KIF4A: variants seen among roughly 807,000 people sequenced by gnomAD.
KIF4A encodes the protein chromosome-associated kinesin KIF4A.
Under a neutral mutation model 105.9 loss-of-function variants are expected in KIF4A, and 7 were observed. That is an observed-to-expected ratio of 0.07 (90% CI 0.04 to 0.12). KIF4A has a LOEUF of 0.12. Ranked by LOEUF, KIF4A falls within the 10% of genes least tolerant of loss-of-function variation. KIF4A has a pLI of 1.00. For synonymous variants in KIF4A, 281 were observed against 331.3 expected (o/e 0.85, Z 1.65); for missense variants, 558 against 929.2 (o/e 0.60, Z 5.19).
At chrX:70,348,342 GT>G (rs2086002678) in intron 13 of KIF4A, among the ~76,000 whole-genome samples, 1 of 111,419 alleles carries the variant, frequency 9.0e-6, no homozygotes, top group South Asian at 3.8e-4. Context: ...CTACAAAAAA[GT>G]TTTTTGTTTT....
At chrX:70,417,064 A>C (rs1196921310) in intron 28 of KIF4A, among the ~76,000 whole-genome samples, 1 of 112,956 alleles carries the variant, frequency 8.9e-6, no homozygotes, top group Non-Finnish European at 1.9e-5. Flanking sequence ...AACTACACTT[A>C]GTTTTTAAAT....
intron 15 of KIF4A, among the ~76,000 whole-genome samples, chrX:70,366,000 A>C (rs2086101344): frequency 9.0e-6 from 1 of 110,995 alleles, no homozygotes; most frequent in African/African-American, 3.3e-5. Flanking sequence ...GAGTTTATCC[A>C]TTTCTTCTAG....
chrX:70,320,729 C>CAT (rs2147685706), intron 7 of KIF4A, among the ~76,000 whole-genome samples: 1 of 111,556 alleles, frequency 9.0e-6, no homozygotes, highest in South Asian at 3.8e-4. Flanking sequence ...TGGGTATAAA[C>CAT]ATACAGTTAG....
At chrX:70,335,278 T>G (rs758736062) in intron 10 of KIF4A, among the ~76,000 whole-genome samples, 2 of 112,453 alleles carry the variant, frequency 1.8e-5, no homozygotes, top group Non-Finnish European at 3.8e-5. Context: ...CTAAGTGAAC[T>G]AAGCCAGTCA....
At chrX:70,391,835 T>C (rs2086238540) in intron 20 of KIF4A, among the ~76,000 whole-genome samples, 1 of 111,476 alleles carries the variant, frequency 9.0e-6, no homozygotes, top group African/African-American at 3.3e-5. Flanking sequence ...GTGTACTCAA[T>C]GTTTAGCTCC....
chrX:70,367,480 C>T (rs1252057895), intron 15 of KIF4A, among the ~76,000 whole-genome samples: 1 of 111,308 alleles, frequency 9.0e-6, no homozygotes, highest in Non-Finnish European at 1.9e-5. Context: ...TGCTTGTCTG[C>T]GAAGGATTTT....
intron 15 of KIF4A, among the ~76,000 whole-genome samples, chrX:70,370,621 C>T (rs1487672561): frequency 1.8e-5 from 2 of 108,774 alleles, no homozygotes; most frequent in Non-Finnish European, 3.8e-5. Context: ...ACATACACAC[C>T]CATGTTATTA....
At chrX:70,376,707 G>A (rs2086176468) in intron 18 of KIF4A, among the ~76,000 whole-genome samples, 2 of 111,936 alleles carry the variant, frequency 1.8e-5, no homozygotes, top group Non-Finnish European at 3.8e-5. Context: ...GGTCCAACTG[G>A]GGTGAAGTAT....
At chrX:70,369,624 A>G (rs1449251916) in intron 15 of KIF4A, among the ~76,000 whole-genome samples, 1 of 111,994 alleles carries the variant, frequency 8.9e-6, no homozygotes, top group African/African-American at 3.2e-5. Flanking sequence ...TGTGCACAGA[A>G]ATCATGTAGC....
chrX:70,343,111 A>G, intron 11 of KIF4A, among the ~76,000 whole-genome samples: 1 of 111,032 alleles, frequency 9.0e-6, no homozygotes, highest in African/African-American at 3.3e-5. Flanking sequence ...TTTCTCTACC[A>G]TCATTCTTGT....
intron 7 of KIF4A, among the ~76,000 whole-genome samples, chrX:70,325,129 G>T (rs1215643693): frequency 2.7e-5 from 3 of 111,878 alleles, no homozygotes; most frequent in African/African-American, 9.8e-5. Flanking sequence ...AAGCATAGGA[G>T]CTTTTTAAAA....
chrX:70,324,455 G>A (rs948929569), intron 7 of KIF4A, among the ~76,000 whole-genome samples: 4 of 111,513 alleles, frequency 3.6e-5, no homozygotes, highest in Non-Finnish European at 7.5e-5. Context: ...ATTAGTATGC[G>A]ACTTTATACA....
chrX:70,338,788 G>T (rs1476602527), intron 10 of KIF4A, among the ~76,000 whole-genome samples: 1 of 111,625 alleles, frequency 9.0e-6, no homozygotes, highest in Non-Finnish European at 1.9e-5. Flanking sequence ...CCACACCAGG[G>T]TTAAAAGAGG....
intron 22 of KIF4A, among the ~76,000 whole-genome samples, chrX:70,398,066 G>A (rs2086267159): frequency 8.9e-6 from 1 of 112,119 alleles, no homozygotes; most frequent in Non-Finnish European, 1.9e-5. Flanking sequence ...TTGAGACAAA[G>A]TCTCACTCTT....
chrX:70,407,762 A>G (rs2086306169), intron 28 of KIF4A, among the ~76,000 whole-genome samples: 1 of 109,047 alleles, frequency 9.2e-6, no homozygotes, highest in East Asian at 2.8e-4. Flanking sequence ...ACCACTTTTA[A>G]TCACCACAAA....
chrX:70,405,270 G>C (rs1166999840), intron 25 of KIF4A, among the ~76,000 whole-genome samples: 1 of 111,610 alleles, frequency 9.0e-6, no homozygotes, highest in African/African-American at 3.3e-5. Flanking sequence ...GCATGTTGTA[G>C]CACTATTTTA....
At chrX:70,313,068 G>A (rs1164909586) in intron 7 of KIF4A, among the ~76,000 whole-genome samples, 1 of 111,164 alleles carries the variant, frequency 9.0e-6, no homozygotes, top group African/African-American at 3.3e-5. Context: ...CTTGTTACTT[G>A]TATTATTCAG....
At chrX:70,307,462 C>G (rs910970461) in intron 7 of KIF4A, among the ~76,000 whole-genome samples, 45 of 111,376 alleles carry the variant, frequency 4.0e-4, no homozygotes, top group Non-Finnish European at 5.7e-4. Flanking sequence ...TTCTTGCCTG[C>G]TTGTCCTGAC....
In KIF4A at chrX:70,355,034, G is replaced by A. The variant is rs772844747; in HGVS notation, c.1674+1227G>A. Among the ~76,000 whole-genome samples the A allele has an allele frequency of 4.5e-5, 5 of 111,385 alleles. No individual in the cohort carries two copies. The South Asian group carries it at 1.2e-3, about 26-fold the overall frequency. On this transcript the variant is annotated intron_variant, in intron 15 of 30. Coordinates refer to ENST00000374403, the MANE Select transcript of KIF4A (RefSeq NM_012310.5). ...CTTTCCATTTGAAGAGGGGCCATCT[G>A]GTCTATGGTGAGGTTCCCAAGGCAT... is the stretch of plus-strand genomic sequence containing the variant.
Sources: gnomAD v4.1 joint callset for allele counts (sites outside exome capture counted in the v4.1 genomes callset) on GRCh38, gnomAD v4.1.1 for gene constraint, MANE v1.5 for transcripts, NCBI Gene and HGNC (gene_info 2026-07-23, HGNC 2026-07-21) for gene names.